The following HS3ST4 variants were observed in gnomAD, a reference collection of about 807,000 sequenced individuals.
HS3ST4 encodes heparan sulfate glucosamine 3-O-sulfotransferase 4.
Under a neutral mutation model 29.2 loss-of-function variants are expected in HS3ST4, and 17 were observed. The ratio of observed to expected loss-of-function variants is 0.58; its 90% CI spans 0.40 to 0.87. The LOEUF (loss-of-function observed/expected upper bound fraction) is 0.87, where lower values mean the gene tolerates loss of function less well. Among genes scored for constraint, HS3ST4 ranks in the 40% least tolerant of loss-of-function variants. HS3ST4 has a pLI of 0.00. For synonymous variants in HS3ST4, 314 were observed against 285.7 expected (o/e 1.10, Z -1.00); for missense variants, 627 against 634.5 (o/e 0.99, Z 0.13).
intron 1 of HS3ST4, among the ~76,000 whole-genome samples, chr16:26,013,754 A>G (rs1969335745): frequency 6.6e-6 from 1 of 152,198 alleles, no homozygotes; most frequent in Non-Finnish European, 1.5e-5. Flanking sequence ...TCATGCCTGT[A>G]ATCCCAGCAC....
At chr16:26,127,208 C>A (rs1386953131) in intron 1 of HS3ST4, among the ~76,000 whole-genome samples, 3 of 152,338 alleles carry the variant, frequency 2.0e-5, no homozygotes, top group Middle Eastern at 3.4e-3. Flanking sequence ...CAGCAATCGA[C>A]CCTACTCTTC....
intron 1 of HS3ST4, among the ~76,000 whole-genome samples, chr16:25,926,380 T>C (rs1968402944): frequency 6.6e-6 from 1 of 152,264 alleles, no homozygotes; most frequent in Admixed American, 6.5e-5. Flanking sequence ...TGTTTACGTG[T>C]ATGTTTCTCC....
chr16:26,040,514 AG>A (rs1326064273), intron 1 of HS3ST4, among the ~76,000 whole-genome samples: 5 of 151,980 alleles, frequency 3.3e-5, no homozygotes, highest in African/African-American at 1.2e-4. Flanking sequence ...CATGTTGGCC[AG>A]GGTGGTCTCC....
At chr16:26,011,505 A>T (rs1969310425) in intron 1 of HS3ST4, among the ~76,000 whole-genome samples, 1 of 152,188 alleles carries the variant, frequency 6.6e-6, no homozygotes, top group South Asian at 2.1e-4. Flanking sequence ...AGTTGCAGTG[A>T]GCTGAGATCG....
chr16:25,749,203 G>A (rs1006394948), intron 1 of HS3ST4, among the ~76,000 whole-genome samples: 4 of 152,078 alleles, frequency 2.6e-5, no homozygotes, highest in Non-Finnish European at 5.9e-5. Flanking sequence ...TAAGAAGCTG[G>A]GGCTGTGGGG....
At chr16:25,927,364 T>G (rs1189790368) in intron 1 of HS3ST4, among the ~76,000 whole-genome samples, 1 of 152,292 alleles carries the variant, frequency 6.6e-6, no homozygotes, top group East Asian at 1.9e-4. Context: ...CTTGTGACAT[T>G]TTGACCTTCC....
At chr16:26,125,742 T>G (rs1347946601) in intron 1 of HS3ST4, among the ~76,000 whole-genome samples, 2 of 152,200 alleles carry the variant, frequency 1.3e-5, no homozygotes, top group African/African-American at 4.8e-5. Flanking sequence ...CCTAAAATCC[T>G]TCGCTCATCG....
At chr16:25,799,685 C>A (rs984232688) in intron 1 of HS3ST4, among the ~76,000 whole-genome samples, 1 of 152,110 alleles carries the variant, frequency 6.6e-6, no homozygotes, top group Non-Finnish European at 1.5e-5. Context: ...TCACATGTTT[C>A]CTCATCTGTA....
chr16:25,812,128 T>C (rs1402445338), intron 1 of HS3ST4, among the ~76,000 whole-genome samples: 1 of 152,230 alleles, frequency 6.6e-6, no homozygotes, highest in Non-Finnish European at 1.5e-5. Flanking sequence ...TGAGATATTG[T>C]CAAAATACAG....
intron 1 of HS3ST4, among the ~76,000 whole-genome samples, chr16:26,077,765 A>G (rs976938539): frequency 1.3e-5 from 2 of 152,266 alleles, no homozygotes; most frequent in Non-Finnish European, 2.9e-5. Context: ...AGCATTTTCA[A>G]TAAGCCTCAA....
chr16:25,718,122 G>A (rs1220541307), intron 1 of HS3ST4, among the ~76,000 whole-genome samples: 2 of 152,170 alleles, frequency 1.3e-5, no homozygotes, highest in Non-Finnish European at 2.9e-5. Flanking sequence ...AAGGACAGGA[G>A]CAGGGTTGGG....
In HS3ST4 at chr16:25,692,642, C is replaced by CCCGCCGAGCCCG; in HGVS notation, c.231_242dup (p.Ser78_Pro81dup). Reference sequence around the variant, plus strand: ...AGTCGCCGGGCGCCGCCGCCGAGCCCCCGCCGAGCCCGCCGCCACCCTCTC... The same window carrying CCCGCCGAGCCCG: ...AGTCGCCGGGCGCCGCCGCCGAGCCCCCGCCGAGCCCGCCGCCGAGCCCGCCGCCACCCTCTC... On this transcript the variant is annotated inframe_insertion, in exon 1 of 2. Transcript: ENST00000331351. 7.3e-7 allele frequency: 1 copy of CCCGCCGAGCCCG among 1,360,576 alleles called. No individual in the cohort carries two copies. Among genetic ancestry groups the CCCGCCGAGCCCG allele is most frequent in the Non-Finnish European group, 9.5e-7 (1 of 1,047,400 alleles). 84.3% of individuals were successfully genotyped at this position (1,360,576 alleles called of 1,614,324 possible).
chr16:25,738,188 C>T (rs1467592789), intron 1 of HS3ST4, among the ~76,000 whole-genome samples: 1 of 151,970 alleles, frequency 6.6e-6, no homozygotes, highest in Non-Finnish European at 1.5e-5. Flanking sequence ...ACAGGCGTGA[C>T]CTACCACGCC....
At chr16:25,698,715 A>C (rs1966315147) in intron 1 of HS3ST4, among the ~76,000 whole-genome samples, 1 of 152,152 alleles carries the variant, frequency 6.6e-6, no homozygotes, top group African/African-American at 2.4e-5. Flanking sequence ...ACTTCCTATC[A>C]CAGCTGTCAT....
At chr16:25,886,101 C>T (rs1013850040) in intron 1 of HS3ST4, among the ~76,000 whole-genome samples, 5 of 129,178 alleles carry the variant, frequency 3.9e-5, no homozygotes, top group African/African-American at 6.0e-5. Context: ...GGCATGATCT[C>T]GGCACACTGC....
At chr16:26,050,062 C>A (rs966893111) in intron 1 of HS3ST4, among the ~76,000 whole-genome samples, 19 of 152,110 alleles carry the variant, frequency 1.2e-4, no homozygotes, top group African/African-American at 4.6e-4. Flanking sequence ...AACCATTGTC[C>A]ATTGGTGATC....
chr16:25,901,310 G>A (rs1269462136), intron 1 of HS3ST4, among the ~76,000 whole-genome samples: 1 of 152,178 alleles, frequency 6.6e-6, no homozygotes, highest in African/African-American at 2.4e-5. Context: ...TCTCATGAGG[G>A]CTGGCAGTGC....
intron 1 of HS3ST4, among the ~76,000 whole-genome samples, chr16:26,036,476 GT>G (rs1969584534): frequency 6.6e-6 from 1 of 152,152 alleles, no homozygotes; most frequent in Admixed American, 6.5e-5. Flanking sequence ...TCATTTGTCT[GT>G]ATCAGATCTC....
At position 25,773,081 on chromosome 16, in the gene HS3ST4, C is replaced by A. The variant is rs550600539; in HGVS notation, c.734+79930C>A. On this transcript the variant is annotated intron_variant, in intron 1 of 1. Coordinates refer to ENST00000331351, the MANE Select transcript of HS3ST4 (RefSeq NM_006040.3). ...CATACATAGCGATACATGCCACATA[C>A]CGTACTTATATACATTCCTCAAGGA... is the stretch of plus-strand genomic sequence containing the variant. Among the ~76,000 whole-genome samples the A allele has an allele frequency of 3.8e-4, 58 of 152,294 alleles. 3 individuals are homozygous for A. The South Asian group carries it at 0.012, about 31-fold the overall frequency.
Sources: allele counts gnomAD v4.1 joint callset (sites outside exome capture counted in the v4.1 genomes callset), GRCh38; gene constraint gnomAD v4.1.1; transcripts MANE v1.5; gene names NCBI Gene and HGNC (gene_info 2026-07-23, HGNC 2026-07-21).